CTNNA2: variants seen among roughly 807,000 people sequenced by gnomAD.
CTNNA2 encodes catenin alpha 2.
In CTNNA2, 42 loss-of-function variants were observed where a neutral mutation model predicts 101.0. The observed-to-expected ratio is 0.42, with a 90% CI of 0.32 to 0.54. CTNNA2 has a LOEUF of 0.54. CTNNA2 is among the 20% of genes least tolerant of loss of function. The pLI is 0.14. For missense variants in CTNNA2, 871 were observed against 1,223.1 expected (o/e 0.71, Z 4.29); for synonymous variants, 450 against 456.4 (o/e 0.99, Z 0.18).
chr2:79,669,417 C>T (rs1359675836), intron 2 of CTNNA2, among the ~76,000 whole-genome samples: 5 of 152,164 alleles, frequency 3.3e-5, no homozygotes, highest in African/African-American at 1.2e-4. Context: ...TGGCTGGAAA[C>T]CTCTGTGGCC....
At position 80,393,907 on chromosome 2, in the gene CTNNA2, T is replaced by G. The variant is rs548115992; in HGVS notation, c.1137+616T>G. ...CTTGAAAGTGTTGTATGAACGCTGG[T>G]AAATGTTGCCTTAGAACCCTGATTT... On this transcript the variant is annotated intron_variant, in intron 8 of 18. Coordinates refer to ENST00000402739, the MANE Select transcript of CTNNA2 (RefSeq NM_001282597.3). Among the ~76,000 whole-genome samples the G allele has an allele frequency of 2.0e-5, 3 of 152,320 alleles. No homozygotes were observed. The South Asian group carries it at 6.2e-4, about 32-fold the overall frequency.
chr2:79,293,733 G>C (rs1675892792), intron 2 of CTNNA2, among the ~76,000 whole-genome samples: 1 of 152,178 alleles, frequency 6.6e-6, no homozygotes. Context: ...ACACATTAGT[G>C]TGGGTGTCTT....
chr2:80,140,466 A>G lies in CTNNA2; in HGVS notation c.1056+230669A>G, dbSNP rs546467538. On this transcript the variant is annotated intron_variant, in intron 7 of 18. Transcript: ENST00000402739. ...ACCTTTTGGATCCAACATGGTCTTA[A>G]GTCCATGGTGACAGAAGCTCTGTCC... Among the ~76,000 whole-genome samples, 4 of 152,234 alleles carry G rather than the reference A, an allele frequency of 2.6e-5. No homozygotes were observed. The South Asian group carries it at 8.3e-4, about 32-fold the overall frequency.
intron 2 of CTNNA2, among the ~76,000 whole-genome samples, chr2:79,238,983 G>T (rs1251379200): frequency 6.6e-6 from 1 of 151,920 alleles, no homozygotes; most frequent in African/African-American, 2.4e-5. Context: ...TAAGTTCCAG[G>T]GTACATGTAC....
chr2:80,111,426 A>G (rs889288895), intron 7 of CTNNA2, among the ~76,000 whole-genome samples: 2 of 152,230 alleles, frequency 1.3e-5, no homozygotes, highest in African/African-American at 4.8e-5. Context: ...AGCCCTGCAC[A>G]TGACCAGCTG....
intron 18 of CTNNA2, among the ~76,000 whole-genome samples, chr2:80,628,909 G>A (rs1671978325): frequency 6.6e-6 from 1 of 152,076 alleles, no homozygotes; most frequent in South Asian, 2.1e-4. Flanking sequence ...TCCATTGAGT[G>A]GAACAAGAAC....
chr2:79,380,803 T>A (rs930815846), intron 4 of CTNNA2, among the ~76,000 whole-genome samples: 2 of 152,130 alleles, frequency 1.3e-5, no homozygotes, highest in African/African-American at 4.8e-5. Flanking sequence ...TTCCTGAAAA[T>A]TACATTGCAA....
At chr2:79,916,605 C>T (rs1348188300) in intron 7 of CTNNA2, among the ~76,000 whole-genome samples, 1 of 116,028 alleles carries the variant, frequency 8.6e-6, no homozygotes, top group Non-Finnish European at 1.7e-5. Flanking sequence ...GGAGGAGTCT[C>T]GCTGTATCAC....
At chr2:79,382,983 A>G (rs1441585683) in intron 4 of CTNNA2, among the ~76,000 whole-genome samples, 1 of 152,230 alleles carries the variant, frequency 6.6e-6, no homozygotes, top group Non-Finnish European at 1.5e-5. Flanking sequence ...ACCACCTGTC[A>G]GTGATATGGA....
At chr2:80,050,903 C>A (rs892318556) in intron 7 of CTNNA2, among the ~76,000 whole-genome samples, 1 of 151,868 alleles carries the variant, frequency 6.6e-6, no homozygotes, top group Non-Finnish European at 1.5e-5. Context: ...TTTTGTTTTT[C>A]GTAGCGATGG....
chr2:79,818,211 T>TA (rs1440762922), intron 3 of CTNNA2, among the ~76,000 whole-genome samples: 2 of 152,234 alleles, frequency 1.3e-5, no homozygotes, highest in South Asian at 2.1e-4. Context: ...ACTTTCATAT[T>TA]ATTCATTTTT....
chr2:79,374,503 T>A (rs5027450), intron 4 of CTNNA2, among the ~76,000 whole-genome samples: 44,247 of 122,812 alleles, frequency 0.36, 6,592 homozygotes, highest in African/African-American at 0.45. Flanking sequence ...TAAGCATCAT[T>A]AGAGTAATAT....
intron 7 of CTNNA2, among the ~76,000 whole-genome samples, chr2:80,102,007 T>A (rs72924675): frequency 0.042 from 6,417 of 152,122 alleles, 443 homozygotes; most frequent in African/African-American, 0.15. Context: ...TTAATTTTAA[T>A]TTTTTTGTGG....
At chr2:80,143,326 T>G (rs1264749103) in intron 7 of CTNNA2, among the ~76,000 whole-genome samples, 2 of 152,314 alleles carry the variant, frequency 1.3e-5, no homozygotes, top group African/African-American at 2.4e-5. Context: ...CATAATTGAA[T>G]ATATTTATGG....
intron 7 of CTNNA2, among the ~76,000 whole-genome samples, chr2:79,910,947 TA>T (rs559745387): frequency 6.6e-6 from 1 of 151,980 alleles, no homozygotes; most frequent in Non-Finnish European, 1.5e-5. Flanking sequence ...CCTAACAAAC[TA>T]AAAAAAACAA....
intron 9 of CTNNA2, among the ~76,000 whole-genome samples, chr2:80,464,784 A>G (rs1422503009): frequency 6.6e-6 from 1 of 152,166 alleles, no homozygotes; most frequent in Non-Finnish European, 1.5e-5. Context: ...TTATTTAAAC[A>G]CATGAGGAAG....
rs186755297 is a variant in CTNNA2, at chr2:80,380,816, C to T, written c.1057-12395C>T. Reference sequence around the variant, plus strand: ...TCTCCCCCTTCATAGACACAGTGTACGCTACAGAGAGCAAAGTGTAATTTT... The same window carrying T: ...TCTCCCCCTTCATAGACACAGTGTATGCTACAGAGAGCAAAGTGTAATTTT... On this transcript the variant is annotated intron_variant, in intron 7 of 18. Transcript: ENST00000402739. Among the ~76,000 whole-genome samples, 18 of 152,190 alleles carry T rather than the reference C, an allele frequency of 1.2e-4. No individual in the cohort carries two copies. The East Asian group carries it at 1.7e-3, about 15-fold the overall frequency.
chr2:80,363,922 C>T (rs1674659321), intron 7 of CTNNA2, among the ~76,000 whole-genome samples: 1 of 152,154 alleles, frequency 6.6e-6, no homozygotes, highest in Non-Finnish European at 1.5e-5. Flanking sequence ...CTGTGCTACA[C>T]TTGTGTCGCT....
At chr2:79,376,375 A>G (rs1677974774) in intron 4 of CTNNA2, among the ~76,000 whole-genome samples, 1 of 152,108 alleles carries the variant, frequency 6.6e-6, no homozygotes, top group Non-Finnish European at 1.5e-5. Flanking sequence ...TTTTTGCTTA[A>G]AAACCTCCTA....
Sources: allele counts gnomAD v4.1 joint callset (sites outside exome capture counted in the v4.1 genomes callset), GRCh38; gene constraint gnomAD v4.1.1; transcripts MANE v1.5; gene names NCBI Gene and HGNC (gene_info 2026-07-23, HGNC 2026-07-21).